ADAMTSL3: variants seen among roughly 807,000 people sequenced by gnomAD.
The protein encoded by ADAMTSL3 is ADAMTS like 3.
In ADAMTSL3, 128 loss-of-function variants were observed where a neutral mutation model predicts 201.7. The ratio of observed to expected loss-of-function variants is 0.63; its 90% CI spans 0.55 to 0.73. The LOEUF is 0.73. Among genes scored for constraint, ADAMTSL3 ranks in the 30% least tolerant of loss-of-function variants. The pLI, the probability that ADAMTSL3 is intolerant of heterozygous loss-of-function variation, is 0.00. For synonymous variants in ADAMTSL3, 738 were observed against 748.4 expected (o/e 0.99, Z 0.23); for missense variants, 1,990 against 2,119.6 (o/e 0.94, Z 1.20).
Position 83,716,344 on chromosome 15 carries a change from A to AAC in ADAMTSL3, c.189+11856_189+11857dup, listed in dbSNP as rs35902543. The stretch of plus-strand genomic sequence containing the variant: ...ATAGTGAAACCCTGTCTCTACTAAA[A>AAC]ACACACACACACACACACACAAATT... On this transcript the variant is annotated intron_variant, in intron 3 of 29. Transcript: ENST00000286744. Among the ~76,000 whole-genome samples the AAC allele has an allele frequency of 8.5e-3, 1,283 of 150,136 alleles. 10 individuals are homozygous for AAC. The highest frequency in any genetic ancestry group is 0.013 in the African/African-American group (533 of 40,880).
intron 15 of ADAMTSL3, among the ~76,000 whole-genome samples, chr15:83,911,975 A>G (rs1159264146): frequency 6.6e-6 from 1 of 152,220 alleles, no homozygotes; most frequent in Non-Finnish European, 1.5e-5. Context: ...TTTATATTTC[A>G]TAGTCTTTGG....
chr15:83,935,477 A>C (rs920009400), intron 17 of ADAMTSL3, among the ~76,000 whole-genome samples: 1 of 152,124 alleles, frequency 6.6e-6, no homozygotes, highest in Non-Finnish European at 1.5e-5. Flanking sequence ...AAGAGATAAT[A>C]AGAGGGAATA....
intron 6 of ADAMTSL3, among the ~76,000 whole-genome samples, chr15:83,829,580 G>A (rs9888644): frequency 0.36 from 54,146 of 151,932 alleles, 10,737 homozygotes; most frequent in East Asian, 0.58. Flanking sequence ...TTTTGAATGT[G>A]CTTGCTCTTG....
In ADAMTSL3 at chr15:83,913,357, T is replaced by G; in HGVS notation, c.1966T>G (p.Cys656Gly). Residue 656 changes from cysteine to glycine, a missense_variant, in exon 16 of 30, where the codon TGC (cysteine) becomes GGC (glycine). Cys to Gly is a radical substitution (Grantham distance 159). Coordinates refer to ENST00000286744, the MANE Select transcript of ADAMTSL3 (RefSeq NM_207517.3). The stretch of plus-strand genomic sequence containing the variant: ...CTGGGAGTACGCTGGGTTCACCCCT[T>G]GCACAGCAACATGCGTGGGAGGTAT... ...YDWEYAGFTP[C>G]TATCVGGHQE... 6.2e-7 allele frequency: 1 copy of G among 1,613,570 alleles called. No individual in the cohort carries two copies. The highest frequency in any genetic ancestry group is 8.5e-7 in the Non-Finnish European group (1 of 1,180,018).
In ADAMTSL3 at chr15:83,899,706, A is replaced by T. The variant is rs2065686524; in HGVS notation, c.1675A>T (p.Thr559Ser). The T allele has an allele frequency of 6.2e-7, 1 of 1,611,902 alleles. No homozygotes were observed. ...WLKQAQELEE[T>S]RIATEEPTFI... ...GAAACAAGCACAAGAACTAGAAGAG[A>T]CCAGAATAGCAACAGAAGAACCAAC... The change falls in exon 15 of 30, where the codon ACC becomes TCC. Residue 559 changes from threonine (T) to serine (S), a missense_variant. Transcript: ENST00000286744.
chr15:83,836,572 A>G (rs2064273276), intron 6 of ADAMTSL3, among the ~76,000 whole-genome samples: 1 of 152,160 alleles, frequency 6.6e-6, no homozygotes, highest in African/African-American at 2.4e-5. Flanking sequence ...TGATTCAACA[A>G]CTCTCCAAGC....
intron 3 of ADAMTSL3, among the ~76,000 whole-genome samples, chr15:83,725,697 A>G (rs1165612885): frequency 6.6e-6 from 1 of 152,160 alleles, no homozygotes; most frequent in African/African-American, 2.4e-5. Context: ...GTTGAAAATG[A>G]GTTCACTGTA....
intron 3 of ADAMTSL3, among the ~76,000 whole-genome samples, chr15:83,712,206 G>T (rs1279888680): frequency 2.6e-5 from 4 of 152,210 alleles, no homozygotes; most frequent in African/African-American, 7.2e-5. Flanking sequence ...CCTCTCTTCA[G>T]TGGCCTTTTA....
intron 2 of ADAMTSL3, among the ~76,000 whole-genome samples, chr15:83,687,854 A>T (rs1314616375): frequency 6.6e-6 from 1 of 151,854 alleles, no homozygotes; most frequent in Non-Finnish European, 1.5e-5. Flanking sequence ...ACCAACTAAG[A>T]GTATGTAAGG....
chr15:83,697,233 T>C (rs527861718), intron 2 of ADAMTSL3, among the ~76,000 whole-genome samples: 46 of 152,238 alleles, frequency 3.0e-4, no homozygotes, highest in African/African-American at 1.0e-3. Flanking sequence ...ATCTGAGAAA[T>C]AGGAAAAAAC....
intron 23 of ADAMTSL3, among the ~76,000 whole-genome samples, chr15:84,002,970 G>A (rs1325897885): frequency 9.5e-5 from 10 of 105,764 alleles, no homozygotes; most frequent in Non-Finnish European, 1.1e-4. Context: ...TAGAGACAGT[G>A]CTTCATTCTT....
At chr15:83,706,555 A>G (rs1234385012) in intron 3 of ADAMTSL3, among the ~76,000 whole-genome samples, 1 of 152,196 alleles carries the variant, frequency 6.6e-6, no homozygotes. Context: ...GGACTAAACT[A>G]GGTTTATCTA....
intron 7 of ADAMTSL3, among the ~76,000 whole-genome samples, chr15:83,849,163 G>A (rs1156960620): frequency 2.0e-5 from 3 of 152,046 alleles, no homozygotes; most frequent in East Asian, 1.9e-4. Flanking sequence ...AATTAGACAC[G>A]GTCGCCTAGG....
intron 5 of ADAMTSL3, among the ~76,000 whole-genome samples, chr15:83,816,734 G>A (rs1013747714): frequency 2.0e-5 from 3 of 152,224 alleles, no homozygotes; most frequent in African/African-American, 7.2e-5. Context: ...GGCCTGGCAC[G>A]GTGGTTCATG....
intron 23 of ADAMTSL3, among the ~76,000 whole-genome samples, chr15:84,005,014 G>A (rs2141870545): frequency 6.6e-6 from 1 of 152,258 alleles, no homozygotes; most frequent in East Asian, 1.9e-4. Context: ...TAAGAAAACT[G>A]ACTCTTACTC....
chr15:83,743,870 T>G (rs1446433179), intron 3 of ADAMTSL3, among the ~76,000 whole-genome samples: 2 of 152,152 alleles, frequency 1.3e-5, no homozygotes, highest in African/African-American at 4.8e-5. Context: ...TTTAATTTTT[T>G]TTTTTGATAT....
chr15:83,836,365 A>T (rs937216875), intron 6 of ADAMTSL3, among the ~76,000 whole-genome samples: 7 of 152,244 alleles, frequency 4.6e-5, no homozygotes, highest in Non-Finnish European at 1.0e-4. Context: ...TCCTCATGAT[A>T]GCTCTTTGTG....
At chr15:83,867,519 T>A (rs2065002345) in intron 8 of ADAMTSL3, among the ~76,000 whole-genome samples, 1 of 152,134 alleles carries the variant, frequency 6.6e-6, no homozygotes, top group South Asian at 2.1e-4. Context: ...AACCTCCAAT[T>A]CAGTTGGAAG....
intron 3 of ADAMTSL3, among the ~76,000 whole-genome samples, chr15:83,725,266 A>G (rs1486025320): frequency 6.6e-6 from 1 of 151,540 alleles, no homozygotes; most frequent in Non-Finnish European, 1.5e-5. Context: ...GTGAGATGAT[A>G]TCTCATTGTA....
Sources: gnomAD v4.1 joint callset for allele counts (sites outside exome capture counted in the v4.1 genomes callset) on GRCh38, gnomAD v4.1.1 for gene constraint, MANE v1.5 for transcripts, NCBI Gene and HGNC (gene_info 2026-07-23, HGNC 2026-07-21) for gene names.